The following CACNA2D3 variants were observed in gnomAD, a reference collection of about 807,000 sequenced individuals.
The protein encoded by CACNA2D3 is voltage-dependent calcium channel subunit alpha-2/delta-3.
A neutral mutation model predicts 160.6 loss-of-function variants in CACNA2D3; 60 were observed. That is an observed-to-expected ratio of 0.37 (90% CI 0.30 to 0.46). The LOEUF is 0.46. Ranked by LOEUF, CACNA2D3 falls within the 20% of genes least tolerant of loss-of-function variation. CACNA2D3 has a pLI of 1.00. For synonymous variants in CACNA2D3, 558 were observed against 492.9 expected, an observed-to-expected ratio of 1.13 and a Z score of -1.75; for missense variants, 1,205 against 1,365.0, an observed-to-expected ratio of 0.88 and a Z score of 1.85.
At chr3:54,749,631 ATC>A (rs1208630526) in intron 11 of CACNA2D3, among the ~76,000 whole-genome samples, 2 of 152,170 alleles carry the variant, frequency 1.3e-5, no homozygotes, top group African/African-American at 2.4e-5. Flanking sequence ...TTAAAGTAAA[ATC>A]TCTTTTCTTC....
At chr3:54,263,091 T>A (rs1670951608) in intron 2 of CACNA2D3, among the ~76,000 whole-genome samples, 1 of 152,210 alleles carries the variant, frequency 6.6e-6, no homozygotes. Flanking sequence ...ATAGACAGCT[T>A]CTACCACTGT....
At chr3:54,158,681 G>C (rs141956492) in intron 2 of CACNA2D3, among the ~76,000 whole-genome samples, 2 of 152,236 alleles carry the variant, frequency 1.3e-5, no homozygotes, top group East Asian at 3.9e-4. Flanking sequence ...TGTGTTGTTT[G>C]AGGTAGTGGA....
At chr3:54,186,276 G>C (rs1046442950) in intron 2 of CACNA2D3, among the ~76,000 whole-genome samples, 8 of 152,332 alleles carry the variant, frequency 5.3e-5, no homozygotes, top group South Asian at 4.1e-4. Context: ...TTAATAGTAA[G>C]TATAGCAGGA....
At chr3:54,143,448 A>G (rs546396838) in intron 2 of CACNA2D3, among the ~76,000 whole-genome samples, 29 of 152,326 alleles carry the variant, frequency 1.9e-4, no homozygotes, top group Non-Finnish European at 3.1e-4. Flanking sequence ...AAAGCAAGTA[A>G]CAACAAACTG....
At chr3:54,381,486 T>C (rs1699101852) in intron 3 of CACNA2D3, among the ~76,000 whole-genome samples, 1 of 152,168 alleles carries the variant, frequency 6.6e-6, no homozygotes, top group South Asian at 2.1e-4. Flanking sequence ...AACAAAAACA[T>C]AAAATACATG....
At chr3:54,648,822 G>A (rs1239931944) in intron 11 of CACNA2D3, among the ~76,000 whole-genome samples, 1 of 152,188 alleles carries the variant, frequency 6.6e-6, no homozygotes, top group African/African-American at 2.4e-5. Flanking sequence ...TGAGAGAGGA[G>A]GAGGTAAGAG....
At chr3:54,319,660 A>G (rs1427246755) in intron 2 of CACNA2D3, among the ~76,000 whole-genome samples, 1 of 152,194 alleles carries the variant, frequency 6.6e-6, no homozygotes, top group Non-Finnish European at 1.5e-5. Context: ...ACACTCTTAC[A>G]GAGTCCTGAG....
At chr3:54,933,219 T>A (rs534556945) in intron 27 of CACNA2D3, among the ~76,000 whole-genome samples, 2 of 152,204 alleles carry the variant, frequency 1.3e-5, no homozygotes, top group Non-Finnish European at 2.9e-5. Context: ...CCATTAATCA[T>A]GTATTTAATG....
chr3:54,392,128 A>G (rs1478612416), intron 4 of CACNA2D3, among the ~76,000 whole-genome samples: 11 of 152,150 alleles, frequency 7.2e-5, no homozygotes. Flanking sequence ...TTTCATCCTC[A>G]TTATTTTGAT....
chr3:54,951,313 A>T (rs1205289981), intron 27 of CACNA2D3, among the ~76,000 whole-genome samples: 2 of 152,264 alleles, frequency 1.3e-5, no homozygotes, highest in Admixed American at 1.3e-4. Flanking sequence ...CGCAGACAAG[A>T]TAAAGAAGAC....
intron 35 of CACNA2D3, among the ~76,000 whole-genome samples, chr3:55,020,652 C>A (rs1703427655): frequency 6.6e-6 from 1 of 151,840 alleles, no homozygotes; most frequent in Admixed American, 6.6e-5. Flanking sequence ...GAGTTTGAGA[C>A]CAGCCTGGCC....
chr3:54,554,602 T>A (rs1466308891), intron 5 of CACNA2D3, among the ~76,000 whole-genome samples: 1 of 152,090 alleles, frequency 6.6e-6, no homozygotes, highest in African/African-American at 2.4e-5. Context: ...CTTTGCCTTG[T>A]CTCAGCTACC....
At chr3:55,072,709 G>GTGTT (rs1050479974) in intron 35 of CACNA2D3, among the ~76,000 whole-genome samples, 5 of 152,280 alleles carry the variant, frequency 3.3e-5, no homozygotes, top group East Asian at 3.9e-4. Context: ...GTAGTGTTTT[G>GTGTT]TGTTTGTTAA....
chr3:55,062,442 A>G (rs191976571), intron 35 of CACNA2D3, among the ~76,000 whole-genome samples: 5 of 152,220 alleles, frequency 3.3e-5, no homozygotes, highest in East Asian at 1.9e-4. Flanking sequence ...TTGTTATTCA[A>G]TGACGTGTAG....
chr3:54,627,640 T>G, intron 9 of CACNA2D3, 147 bp from the exon 10 acceptor site: 4 of 639,572 alleles, frequency 6.3e-6, no homozygotes, highest in Non-Finnish European at 5.7e-6. Flanking sequence ...TAAGTTCTTA[T>G]GTTTTGAATG....
chr3:54,275,650 C>T (rs1319763881), intron 2 of CACNA2D3, among the ~76,000 whole-genome samples: 1 of 144,466 alleles, frequency 6.9e-6, no homozygotes, highest in African/African-American at 2.5e-5. Flanking sequence ...CAAAGTCTCA[C>T]TCTGTCACCC....
rs116324100 is a variant in CACNA2D3, at chr3:54,169,673, G to A, written c.204+46079G>A. On this transcript the variant is annotated intron_variant, in intron 2 of 37. Coordinates refer to ENST00000474759, the MANE Select transcript of CACNA2D3 (RefSeq NM_018398.3). ...CGTGCATGTGTGTGCGTGCGTGCTT[G>A]TATGTGTGTGTATGTGTGTGCATGT... Among the ~76,000 whole-genome samples, 708 of 148,302 alleles carry A rather than the reference G, an allele frequency of 4.8e-3. 3 individuals carry two copies. Among genetic ancestry groups the A allele is most frequent in the African/African-American group, 0.016 (635 of 40,798 alleles).
rs542165172 is a variant in CACNA2D3, at chr3:54,350,348, A to AT, written c.321+29799dup. On this transcript the variant is annotated intron_variant, in intron 3 of 37. Transcript: ENST00000474759. ...TCTAATGGAGATTAATCACTTTTTC[A>AT]TTTTTTTTTAAATTAAGCATCTATT... Among the ~76,000 whole-genome samples, 1,106 of 151,272 alleles carry AT rather than the reference A, an allele frequency of 7.3e-3. 12 individuals carry two copies. Among genetic ancestry groups the AT allele is most frequent in the African/African-American group, 0.025 (1,012 of 41,238 alleles).
intron 11 of CACNA2D3, among the ~76,000 whole-genome samples, chr3:54,746,571 C>T (rs560196022): frequency 2.0e-5 from 3 of 152,128 alleles, no homozygotes; most frequent in Non-Finnish European, 4.4e-5. Flanking sequence ...AATTTAGAAC[C>T]CATGAATGTG....
Sources: allele counts gnomAD v4.1 joint callset (sites outside exome capture counted in the v4.1 genomes callset), GRCh38; gene constraint gnomAD v4.1.1; transcripts MANE v1.5; gene names NCBI Gene and HGNC (gene_info 2026-07-23, HGNC 2026-07-21).